Variants in GABRA3 observed in about 807,000 individuals in gnomAD.
The protein encoded by GABRA3 is gamma-aminobutyric acid receptor subunit alpha-3.
GABRA3 carries 10 observed loss-of-function variants against 30.1 expected under a neutral mutation model. That is an observed-to-expected ratio of 0.33 (90% CI 0.20 to 0.56). The LOEUF (loss-of-function observed/expected upper bound fraction) is 0.56. Ranked by LOEUF, GABRA3 falls within the 20% of genes least tolerant of loss-of-function variation. The pLI is 0.89. For synonymous variants in GABRA3, 151 were observed against 146.8 expected (o/e 1.03, Z -0.21); for missense variants, 233 against 392.0 (o/e 0.59, Z 3.42).
chrX:152,388,311 T>C (rs1929381978), intron 1 of GABRA3, among the ~76,000 whole-genome samples: 2 of 111,846 alleles, frequency 1.8e-5, no homozygotes, highest in Non-Finnish European at 3.8e-5. Context: ...GAGCGTTCAA[T>C]CAATGAGTGC....
chrX:152,201,837 T>C (rs1937488504), intron 7 of GABRA3, among the ~76,000 whole-genome samples: 1 of 111,606 alleles, frequency 9.0e-6, no homozygotes, highest in South Asian at 3.7e-4. Context: ...TCTCCATCTC[T>C]CTGATTTTTC....
chrX:152,229,621 G>A (rs1938029012), intron 5 of GABRA3, among the ~76,000 whole-genome samples: 1 of 110,011 alleles, frequency 9.1e-6, no homozygotes, highest in Non-Finnish European at 1.9e-5. Flanking sequence ...GGGTGCTCAA[G>A]AAATAGCAAC....
At chrX:152,182,310 TATAC>T (rs1217794473) in intron 9 of GABRA3, among the ~76,000 whole-genome samples, 2 of 93,784 alleles carry the variant, frequency 2.1e-5, no homozygotes, top group South Asian at 5.0e-4. Flanking sequence ...TATATATATA[TATAC>T]ACACACACAC....
chrX:152,240,524 G>C (rs1241576554), intron 5 of GABRA3, among the ~76,000 whole-genome samples: 1 of 88,441 alleles, frequency 1.1e-5, no homozygotes, highest in Admixed American at 1.3e-4. Context: ...TGTATTTCCT[G>C]AATCTGAACG....
chrX:152,421,352 A>G (rs1930369382), intron 1 of GABRA3, among the ~76,000 whole-genome samples: 1 of 111,008 alleles, frequency 9.0e-6, no homozygotes, highest in Admixed American at 9.7e-5. Context: ...CCAAGAACCT[A>G]CTGATGCCAT....
chrX:152,211,638 TAGCCACCATCACATCAGGA>T (rs1345464356), intron 6 of GABRA3, among the ~76,000 whole-genome samples: 1 of 111,806 alleles, frequency 8.9e-6, no homozygotes, highest in Non-Finnish European at 1.9e-5. Context: ...GAAGGCACAG[TAGCCACCATCACATCAGGA>T]AGCCCACAAT....
intron 4 of GABRA3, among the ~76,000 whole-genome samples, chrX:152,272,377 T>A (rs182427720): frequency 1.8e-5 from 2 of 112,618 alleles, no homozygotes; most frequent in African/African-American, 6.4e-5. Context: ...TATTGGATTT[T>A]GGACACGCAT....
chrX:152,416,703 C>T (rs1367043126), intron 1 of GABRA3, among the ~76,000 whole-genome samples: 7 of 110,547 alleles, frequency 6.3e-5, no homozygotes, highest in African/African-American at 2.3e-4. Flanking sequence ...CAGAACAGAG[C>T]CCTCAGAAAT....
intron 5 of GABRA3, among the ~76,000 whole-genome samples, chrX:152,235,323 G>T (rs1280570431): frequency 9.0e-6 from 1 of 111,537 alleles, no homozygotes; most frequent in Non-Finnish European, 1.9e-5. Context: ...ATCCTGAAAC[G>T]ACTGAATTCA....
At chrX:152,327,922 T>C (rs1051469440) in intron 3 of GABRA3, among the ~76,000 whole-genome samples, 5 of 111,014 alleles carry the variant, frequency 4.5e-5, no homozygotes, top group African/African-American at 1.6e-4. Context: ...AGCAGGTTTT[T>C]TGAAAGATCA....
chrX:152,282,763 T>C (rs1443025205), intron 4 of GABRA3, among the ~76,000 whole-genome samples: 2 of 111,801 alleles, frequency 1.8e-5, no homozygotes, highest in Non-Finnish European at 3.8e-5. Flanking sequence ...TGTCCTTCTC[T>C]GGTATGCCTG....
At chrX:152,445,025 C>A (rs1375179644) in intron 1 of GABRA3, among the ~76,000 whole-genome samples, 22 of 69,583 alleles carry the variant, frequency 3.2e-4, no homozygotes, top group African/African-American at 1.3e-3. Flanking sequence ...CCCGCCACTG[C>A]ACTCCAGCCT....
intron 5 of GABRA3, among the ~76,000 whole-genome samples, chrX:152,232,673 TTA>T (rs1248131661): frequency 1.9e-5 from 2 of 107,424 alleles, no homozygotes; most frequent in Non-Finnish European, 3.8e-5. Context: ...ATATACAGCA[TTA>T]TATATATATA....
At chrX:152,267,924 T>A (rs1442780109) in intron 4 of GABRA3, among the ~76,000 whole-genome samples, 2 of 111,438 alleles carry the variant, frequency 1.8e-5, no homozygotes, top group Non-Finnish European at 3.8e-5. Flanking sequence ...GTTGATTTTA[T>A]CTTTTCAAAA....
At chrX:152,282,814 C>G (rs1266216280) in intron 4 of GABRA3, among the ~76,000 whole-genome samples, 1 of 111,115 alleles carries the variant, frequency 9.0e-6, no homozygotes, top group Admixed American at 9.6e-5. Flanking sequence ...TACAGAATGC[C>G]TAGAATAGTG....
intron 7 of GABRA3, among the ~76,000 whole-genome samples, chrX:152,204,801 A>T (rs1937519077): frequency 8.9e-6 from 1 of 111,833 alleles, no homozygotes; most frequent in African/African-American, 3.2e-5. Flanking sequence ...AAACAAAACA[A>T]ATGTATTCTT....
At chrX:152,298,515 G>A (rs917286342) in intron 3 of GABRA3, among the ~76,000 whole-genome samples, 2 of 109,395 alleles carry the variant, frequency 1.8e-5, no homozygotes, top group Non-Finnish European at 3.8e-5. Context: ...GAGAATGATG[G>A]TTTCCAGCTT....
chrX:152,311,290 T>A (rs1373277906), intron 3 of GABRA3, among the ~76,000 whole-genome samples: 1 of 111,487 alleles, frequency 9.0e-6, no homozygotes, highest in Admixed American at 9.5e-5. Flanking sequence ...CTGATAAACA[T>A]AGATGCAAAA....
chrX:152,313,108 TA>T (rs1377922539), intron 3 of GABRA3, among the ~76,000 whole-genome samples: 5 of 111,729 alleles, frequency 4.5e-5, no homozygotes, highest in African/African-American at 1.6e-4. Context: ...ATAAAATGTA[TA>T]AAAATATCCA....
Sources: gnomAD v4.1 joint callset for allele counts (sites outside exome capture counted in the v4.1 genomes callset) on GRCh38, gnomAD v4.1.1 for gene constraint, MANE v1.5 for transcripts, NCBI Gene and HGNC (gene_info 2026-07-23, HGNC 2026-07-21) for gene names.